Variants in TFAP2C observed in about 807,000 individuals in gnomAD.
The protein encoded by TFAP2C is activating enhancer-binding protein 2 gamma.
Under a neutral mutation model 42.9 loss-of-function variants are expected in TFAP2C, and 9 were observed. That is an observed-to-expected ratio of 0.21 (90% CI 0.13 to 0.37). The LOEUF (loss-of-function observed/expected upper bound fraction) is 0.37, where lower values mean the gene tolerates loss of function less well. Ranked by LOEUF, TFAP2C falls within the 10% of genes least tolerant of loss-of-function variation. TFAP2C has a pLI of 1.00. For missense variants in TFAP2C, 462 were observed against 591.7 expected, an observed-to-expected ratio of 0.78 and a Z score of 2.27; for synonymous variants, 264 against 256.0, an observed-to-expected ratio of 1.03 and a Z score of -0.30.
chr20:56,637,580 C>A, intron 6 of TFAP2C, 148 bp from the exon 7 acceptor site: 1 of 655,646 alleles, frequency 1.5e-6, no homozygotes, highest in Non-Finnish European at 2.6e-6. Context: ...CTAAGCGCAG[C>A]AGTTGGCTAT....
rs947756911 is a variant in TFAP2C at position 56,633,587 on chromosome 20, C to A, written c.803+18C>A. On this transcript the variant is annotated intron_variant, in intron 4 of 6. Coordinates refer to ENST00000201031, the MANE Select transcript of TFAP2C (RefSeq NM_003222.4). ...CTCAGAAGGTACTTGGGGCACAATTCTAGGCATAGTGGTTGGGTAGTTGAA... is the reference window on the plus strand; with the variant it reads ...CTCAGAAGGTACTTGGGGCACAATTATAGGCATAGTGGTTGGGTAGTTGAA... The A allele has an allele frequency of 6.2e-7, 1 of 1,601,830 alleles. No homozygotes were observed. Among genetic ancestry groups the A allele is most frequent in the South Asian group, 1.1e-5 (1 of 90,622 alleles).
chr20:56,631,658 C>T lies in TFAP2C; in HGVS notation c.502C>T (p.His168Tyr). Residue 168 changes from histidine (H) to tyrosine (Y), a missense_variant, in exon 2 of 7, where the codon CAC becomes TAC. Around this residue, in one of 5 missense-constraint regions of TFAP2C, gnomAD observed 271 missense variants for 269.7 expected, o/e 1.00. Coordinates refer to ENST00000201031, the MANE Select transcript of TFAP2C (RefSeq NM_003222.4). This position sits in a 1 kb window ranked among gnomAD's most constrained non-coding sequence, Gnocchi z 6.1. ...GGGCCTGGCCGAGAACCTGGGGCTC[C>T]ACGACATGCCTCACCAGATGGACGA... ...AAGLAENLGL[H>Y]DMPHQMDEVQ... is the part of the protein sequence containing the mutation. 6.3e-7 allele frequency: 1 copy of T among 1,584,050 alleles called. No individual in the cohort carries two copies.
rs1280943198 is a variant in TFAP2C, at chr20:56,632,243, G to C, written c.586+387G>C. Among the ~76,000 whole-genome samples the C allele has an allele frequency of 2.6e-5, 4 of 152,184 alleles. No homozygotes were observed. In the East Asian group the frequency reaches 5.8e-4, roughly 22 times the overall value. The stretch of plus-strand genomic sequence containing the variant: ...TGTAACAATTTTAATTGTTGAATAA[G>C]TTGTGATTTTATTTTTGATTTCAAA... On this transcript the variant is annotated intron_variant, in intron 3 of 6. Coordinates refer to ENST00000201031, the MANE Select transcript of TFAP2C (RefSeq NM_003222.4).
intron 4 of TFAP2C, 53 bp from the exon 5 acceptor site, chr20:56,634,097 T>C: frequency 8.3e-7 from 1 of 1,205,602 alleles, no homozygotes; most frequent in Non-Finnish European, 1.2e-6. Flanking sequence ...AGTGTGCGTG[T>C]GTATGTGTTT....
chr20:56,636,705 G>A lies in TFAP2C; in HGVS notation c.1018G>A (p.Gly340Arg). Residue 340 changes from glycine to arginine, a missense_variant, in exon 6 of 7, where the codon GGA becomes AGA. Transcript: ENST00000201031. ...AGAATATTTAACCAGACCTCATCTT[G>A]GAGGACGAAATGAGATGGCAGCTAG... is the stretch of plus-strand genomic sequence containing the variant. ...VAEYLTRPHL[G>R]GRNEMAARKN... 1.2e-6 allele frequency: 2 copies of A among 1,613,878 alleles called. No individual in the cohort carries two copies.
rs570900237 is a variant in TFAP2C, at chr20:56,629,621, G to A, written c.48+29G>A. On this transcript the variant is annotated intron_variant, in intron 1 of 6. Coordinates refer to ENST00000201031, the MANE Select transcript of TFAP2C (RefSeq NM_003222.4). The surrounding 1 kb of genome is among the most constrained non-coding windows in gnomAD (Gnocchi z 5.9). ...AGCTGGGGCTCCGGGGTGCAGCCCC[G>A]CCCCGCCGAGGACAGTCCGGGAGGC... 3 of 1,388,812 alleles carry A rather than the reference G, an allele frequency of 2.2e-6. No homozygotes were observed. Among genetic ancestry groups the A allele is most frequent in the South Asian group, 1.9e-5 (1 of 53,440 alleles). The allele number at this position is 1,388,812 out of a possible 1,614,324, so 86.0% of individuals were successfully genotyped here.
intron 5 of TFAP2C, among the ~76,000 whole-genome samples, chr20:56,635,482 T>C (rs980519251): frequency 1.3e-5 from 2 of 152,090 alleles, no homozygotes; most frequent in African/African-American, 4.8e-5. Context: ...CAAGTTGGTT[T>C]TTAGGAGAAA....
chr20:56,639,162 A>G lies in TFAP2C; in HGVS notation c.*1149A>G, dbSNP rs1402655313. ...GGGCTGAACCCTAAGGTGAGTGTGC[A>G]GTACAGTGTGTGTGGGTGAAATGGA... On this transcript the variant is annotated 3_prime_UTR_variant, in exon 7 of 7. Coordinates refer to ENST00000201031, the MANE Select transcript of TFAP2C (RefSeq NM_003222.4). The G allele has an allele frequency of 1.3e-5, 2 of 152,612 alleles. No individual in the cohort carries two copies. Among genetic ancestry groups the G allele is most frequent in the Non-Finnish European group, 2.9e-5 (2 of 68,056 alleles). 9.5% of individuals were successfully genotyped at this position (152,612 alleles called of 1,614,324 possible).
chr20:56,629,326 G>T lies in TFAP2C; in HGVS notation c.-219G>T, dbSNP rs554205076. The stretch of plus-strand genomic sequence containing the variant: ...TCGCCAGGACACACTGTTCGGGCGC[G>T]GCTTTCCCCGTCCGCGGAGCGGTCT... On this transcript the variant is annotated 5_prime_UTR_variant, in exon 1 of 7. Coordinates refer to ENST00000201031, the MANE Select transcript of TFAP2C (RefSeq NM_003222.4). This position sits in a 1 kb window ranked among gnomAD's most constrained non-coding sequence, Gnocchi z 5.9. The T allele has an allele frequency of 1.3e-3, 524 of 399,996 alleles. 1 individual carries two copies. The highest frequency in any genetic ancestry group is 2.0e-3 in the Non-Finnish European group (452 of 227,726). The allele number at this position is 399,996 out of a possible 1,614,324, so 24.8% of individuals were successfully genotyped here.
At position 56,630,339 on chromosome 20, in the gene TFAP2C, TC is replaced by T. The variant is rs1399259533; in HGVS notation, c.48+749del. 4.5e-6 allele frequency: 2 copies of T among 444,898 alleles called. No homozygotes were observed. Among genetic ancestry groups the T allele is most frequent in the Middle Eastern group, 5.3e-4 (1 of 1,870 alleles). 27.6% of individuals were successfully genotyped at this position (444,898 alleles called of 1,614,324 possible). On this transcript the variant is annotated intron_variant, in intron 1 of 6. Coordinates refer to ENST00000201031, the MANE Select transcript of TFAP2C (RefSeq NM_003222.4). This position sits in a 1 kb window ranked among gnomAD's most constrained non-coding sequence, Gnocchi z 5.1. ...GCCCCTGCCCGCAGGCCCGGGCGCT[TC>T]CGCCAGGAGGCGACAGCGCCATGTT...
Position 56,631,129 on chromosome 20 carries a change from G to T in TFAP2C, c.49-76G>T. Reference sequence around the variant, plus strand: ...TTGGTCCCCCGGGGCCCTCTGCGTAGCCCGGCGATGCCGGCCAGTTCGCAG... The same window carrying T: ...TTGGTCCCCCGGGGCCCTCTGCGTATCCCGGCGATGCCGGCCAGTTCGCAG... On this transcript the variant is annotated intron_variant, in intron 1 of 6. Coordinates refer to ENST00000201031, the MANE Select transcript of TFAP2C (RefSeq NM_003222.4). The surrounding 1 kb of genome is among the most constrained non-coding windows in gnomAD (Gnocchi z 6.1). The T allele has an allele frequency of 6.8e-7, 1 of 1,464,672 alleles. No individual in the cohort carries two copies. The highest frequency in any genetic ancestry group is 1.4e-5 in the South Asian group (1 of 69,998). 90.7% of individuals were successfully genotyped at this position (1,464,672 alleles called of 1,614,324 possible). A position where few individuals can be genotyped will look rare whatever the true frequency, so the allele number is the denominator to read the frequency against.
Position 56,638,875 on chromosome 20 carries a change from G to A in TFAP2C, c.*862G>A, listed in dbSNP as rs547384561. On this transcript the variant is annotated 3_prime_UTR_variant, in exon 7 of 7. Transcript: ENST00000201031. ...TGTATTTTAAGAAACAGTGCGTTGA[G>A]TGTACAGATTTTATTTATGCGTAAT... The A allele has an allele frequency of 2.0e-5, 3 of 152,644 alleles. No homozygotes were observed. In the South Asian group the frequency reaches 6.2e-4, roughly 32 times the overall value. 9.5% of individuals were successfully genotyped at this position (152,644 alleles called of 1,614,324 possible).
chr20:56,629,320 G>C lies in TFAP2C; in HGVS notation c.-225G>C, dbSNP rs1242107034. 2.8e-5 allele frequency: 11 copies of C among 397,414 alleles called. No homozygotes were observed. The highest frequency in any genetic ancestry group is 4.1e-5 in the African/African-American group (2 of 48,462). The allele number at this position is 397,414 out of a possible 1,614,324, so 24.6% of individuals were successfully genotyped here. Reference sequence around the variant, plus strand: ...CGGCTATCGCCAGGACACACTGTTCGGGCGCGGCTTTCCCCGTCCGCGGAG... The same window carrying C: ...CGGCTATCGCCAGGACACACTGTTCCGGCGCGGCTTTCCCCGTCCGCGGAG... On this transcript the variant is annotated 5_prime_UTR_variant, in exon 1 of 7. Transcript: ENST00000201031. This position sits in a 1 kb window ranked among gnomAD's most constrained non-coding sequence, Gnocchi z 5.9.
intron 5 of TFAP2C, among the ~76,000 whole-genome samples, chr20:56,634,625 A>G (rs923011847): frequency 1.1e-4 from 16 of 151,806 alleles, no homozygotes; most frequent in Non-Finnish European, 2.1e-4. Context: ...CACCTTGAGT[A>G]AAAGCTGGTT....
chr20:56,633,427 A>G lies in TFAP2C; in HGVS notation c.661A>G (p.Thr221Ala), dbSNP rs777456343. The change falls in exon 4 of 7, where the codon ACT becomes GCT. Residue 221 changes from threonine to alanine, a missense_variant. By Grantham distance (58) the Thr-to-Ala change is moderately conservative. Coordinates refer to ENST00000201031, the MANE Select transcript of TFAP2C (RefSeq NM_003222.4). ...GCTGGTGGGGGCCGTAATGAACCCC[A>G]CTGAGGTCTTCTGCTCAGTCCCTGG... ...KELVGAVMNP[T>A]EVFCSVPGRL... The G allele has an allele frequency of 1.2e-6, 2 of 1,613,992 alleles. No homozygotes were observed. The highest frequency in any genetic ancestry group is 1.7e-6 in the Non-Finnish European group (2 of 1,179,996).
intron 5 of TFAP2C, 58 bp downstream of exon 5, chr20:56,634,326 T>C (rs2146448228): frequency 7.9e-7 from 1 of 1,258,916 alleles, no homozygotes; most frequent in Non-Finnish European, 1.1e-6. Flanking sequence ...GTGTCTTTAA[T>C]ACTTATTGCA....
rs1482429552 is a variant in TFAP2C, at chr20:56,630,209, G to A, written c.48+617G>A. Reference sequence around the variant, plus strand: ...AAGAAGGAGGCGGCGAGCGGGAAGAGGAAGAAGACGCAGGCAGCGCTAGGC... The same window carrying A: ...AAGAAGGAGGCGGCGAGCGGGAAGAAGAAGAAGACGCAGGCAGCGCTAGGC... On this transcript the variant is annotated intron_variant, in intron 1 of 6. Transcript: ENST00000201031. This position sits in a 1 kb window ranked among gnomAD's most constrained non-coding sequence, Gnocchi z 5.1. The A allele has an allele frequency of 1.1e-5, 3 of 285,486 alleles. No individual in the cohort carries two copies. Among genetic ancestry groups the A allele is most frequent in the Non-Finnish European group, 2.2e-5 (3 of 138,222 alleles). 17.7% of individuals were successfully genotyped at this position (285,486 alleles called of 1,614,324 possible).
In TFAP2C at chr20:56,639,231, T is replaced by C. The variant is rs1987642475; in HGVS notation, c.*1218T>C. On this transcript the variant is annotated 3_prime_UTR_variant, in exon 7 of 7. Transcript: ENST00000201031. ...CTGCCTGTAAATGTTCCCCAAATAA[T>C]TGTTGTGTGTATGATACGTGTATAA... The C allele has an allele frequency of 6.6e-6, 1 of 152,430 alleles. No individual in the cohort carries two copies. Among genetic ancestry groups the C allele is most frequent in the African/African-American group, 2.4e-5 (1 of 41,448 alleles). The allele number at this position is 152,430 out of a possible 1,614,324, so 9.4% of individuals were successfully genotyped here. A position where few individuals can be genotyped will look rare whatever the true frequency, so the allele number is the denominator to read the frequency against.
At chr20:56,632,652 G>T (rs978716249) in intron 3 of TFAP2C, among the ~76,000 whole-genome samples, 6 of 152,152 alleles carry the variant, frequency 3.9e-5, no homozygotes, top group African/African-American at 1.4e-4. Flanking sequence ...TAGTTTGGAT[G>T]ATTAAATTTA....
Sources: gnomAD v4.1 joint callset for allele counts (sites outside exome capture counted in the v4.1 genomes callset) on GRCh38, gnomAD v4.1.1 for gene constraint, gnomAD v4.1.1 regional missense constraint, Gnocchi (gnomAD v3.1) non-coding constraint, MANE v1.5 for transcripts, NCBI Gene and HGNC (gene_info 2026-07-23, HGNC 2026-07-21) for gene names.